PCDH11X: variants seen among roughly 807,000 people sequenced by gnomAD.
The protein encoded by PCDH11X is protocadherin 11 X-linked.
A neutral mutation model predicts 53.3 loss-of-function variants in PCDH11X; 18 were observed. The ratio of observed to expected loss-of-function variants is 0.34; its 90% confidence interval spans 0.23 to 0.50. PCDH11X has a LOEUF of 0.50. Ranked by LOEUF, PCDH11X falls within the 20% of genes least tolerant of loss-of-function variation. The probability of loss-of-function intolerance (pLI) is 0.98; values close to 1 mark genes in which losing one functional copy is unlikely to be tolerated. For synonymous variants in PCDH11X, 279 were observed against 393.3 expected (o/e 0.71, Z 3.44); for missense variants, 570 against 1,032.4 (o/e 0.55, Z 6.14).
chrX:92,304,273 C>G (rs1193739943), intron 8 of PCDH11X, among the ~76,000 whole-genome samples: 1 of 109,888 alleles, frequency 9.1e-6, no homozygotes, highest in Admixed American at 9.8e-5. Context: ...CAGCTACCTG[C>G]CTTTGATGTA....
intron 6 of PCDH11X, among the ~76,000 whole-genome samples, chrX:92,177,541 A>C (rs2065929956): frequency 9.0e-6 from 1 of 111,588 alleles, no homozygotes; most frequent in Non-Finnish European, 1.9e-5. Flanking sequence ...TGATGGGGCG[A>C]TTTTTAAGTT....
intron 9 of PCDH11X, among the ~76,000 whole-genome samples, chrX:92,390,316 A>G (rs1203266863): frequency 3.0e-4 from 33 of 109,146 alleles, no homozygotes; most frequent in Non-Finnish European, 6.1e-4. Context: ...AATTTACTTG[A>G]AATGAAGCTC....
intron 6 of PCDH11X, among the ~76,000 whole-genome samples, chrX:92,056,973 A>T (rs1235357359): frequency 9.0e-6 from 1 of 110,856 alleles, no homozygotes; most frequent in African/African-American, 3.3e-5. Context: ...TTCATTCTGG[A>T]CAAAGATAAC....
intron 6 of PCDH11X, among the ~76,000 whole-genome samples, chrX:92,162,496 C>T (rs1367722776): frequency 1.8e-5 from 2 of 111,363 alleles, no homozygotes; most frequent in Non-Finnish European, 3.8e-5. Flanking sequence ...CTGGACATTG[C>T]TGTTTAGATT....
intron 6 of PCDH11X, among the ~76,000 whole-genome samples, chrX:92,095,540 G>C (rs5984876): frequency 0.022 from 2,425 of 110,810 alleles, 69 homozygotes; most frequent in African/African-American, 0.074. Context: ...TTCTCATCTA[G>C]AAGTAACCTC....
At chrX:92,204,726 C>T (rs1014784327) in intron 7 of PCDH11X, among the ~76,000 whole-genome samples, 5 of 112,057 alleles carry the variant, frequency 4.5e-5, no homozygotes, top group African/African-American at 6.5e-5. Context: ...TACCAATTTA[C>T]GGTATTAGTC....
intron 6 of PCDH11X, among the ~76,000 whole-genome samples, chrX:91,907,412 C>CACACACAGAGAGAGAG (rs756926383): frequency 3.5e-4 from 20 of 57,496 alleles, no homozygotes; most frequent in African/African-American, 1.3e-3. Flanking sequence ...CACACACACA[C>CACACACAGAGAGAGAG]AGAGAGAGAG....
intron 10 of PCDH11X, among the ~76,000 whole-genome samples, chrX:92,543,463 T>C (rs1431119926): frequency 9.3e-6 from 1 of 107,692 alleles, no homozygotes; most frequent in Non-Finnish European, 1.9e-5. Flanking sequence ...TAATCCTACC[T>C]TTCCTATAAA....
At chrX:92,271,653 T>A (rs2067962226) in intron 8 of PCDH11X, among the ~76,000 whole-genome samples, 1 of 112,121 alleles carries the variant, frequency 8.9e-6, no homozygotes, top group African/African-American at 3.2e-5. Flanking sequence ...TGAATCAGAC[T>A]TATGTTCCCT....
At chrX:92,490,381 C>T (rs1164922962) in intron 10 of PCDH11X, among the ~76,000 whole-genome samples, 1 of 111,698 alleles carries the variant, frequency 9.0e-6, no homozygotes, top group Non-Finnish European at 1.9e-5. Context: ...TATTTTTCTT[C>T]CTTGCATTTA....
At chrX:91,837,237 T>C (rs1270433577) in intron 5 of PCDH11X, among the ~76,000 whole-genome samples, 1 of 110,948 alleles carries the variant, frequency 9.0e-6, no homozygotes, top group East Asian at 2.8e-4. Context: ...TACAAACCTC[T>C]TGAGCAAATT....
At chrX:92,389,683 TA>T (rs1204888081) in intron 9 of PCDH11X, among the ~76,000 whole-genome samples, 4 of 111,164 alleles carry the variant, frequency 3.6e-5, no homozygotes, top group African/African-American at 1.3e-4. Flanking sequence ...CATTTAACAT[TA>T]AATATAGCTT....
chrX:92,266,049 G>A (rs973992384), intron 8 of PCDH11X, among the ~76,000 whole-genome samples: 16 of 111,126 alleles, frequency 1.4e-4, no homozygotes, highest in African/African-American at 5.2e-4. Flanking sequence ...GTATACTATG[G>A]AGATTAGGTC....
At chrX:91,939,615 A>T (rs1304476262) in intron 6 of PCDH11X, among the ~76,000 whole-genome samples, 2 of 109,346 alleles carry the variant, frequency 1.8e-5, no homozygotes, top group East Asian at 5.8e-4. Context: ...GAGAAACAAG[A>T]CACACTATGT....
intron 7 of PCDH11X, among the ~76,000 whole-genome samples, chrX:92,231,275 CT>C (rs993431759): frequency 9.0e-6 from 1 of 111,138 alleles, no homozygotes; most frequent in Non-Finnish European, 1.9e-5. Context: ...GAAATAAGCT[CT>C]TTTTTTATTG....
intron 1 of PCDH11X, among the ~76,000 whole-genome samples, chrX:91,796,373 G>C (rs1379311527): frequency 9.0e-6 from 1 of 110,905 alleles, no homozygotes; most frequent in African/African-American, 3.3e-5. Flanking sequence ...AATTTTCAGA[G>C]AAAATTTTAG....
chrX:92,107,086 C>T (rs2064400640), intron 6 of PCDH11X, among the ~76,000 whole-genome samples: 1 of 111,895 alleles, frequency 8.9e-6, no homozygotes, highest in Admixed American at 9.5e-5. Context: ...AATTGCCAGT[C>T]AGAACATTTT....
intron 9 of PCDH11X, among the ~76,000 whole-genome samples, chrX:92,417,304 A>G (rs2071835652): frequency 9.0e-6 from 1 of 111,418 alleles, no homozygotes; most frequent in African/African-American, 3.3e-5. Context: ...TTTTTCACAT[A>G]CAGTGCTAAT....
chrX:92,035,188 G>A (rs12686991), intron 6 of PCDH11X, among the ~76,000 whole-genome samples: 8,665 of 111,021 alleles, frequency 0.078, 359 homozygotes, highest in East Asian at 0.29. Flanking sequence ...CAGTTACAGT[G>A]TTATATTATT....
Sources: allele counts gnomAD v4.1 joint callset (sites outside exome capture counted in the v4.1 genomes callset), GRCh38; gene constraint gnomAD v4.1.1; transcripts MANE v1.5; gene names NCBI Gene and HGNC (gene_info 2026-07-23, HGNC 2026-07-21).